The following PPP1CB variants were observed in gnomAD, a reference collection of about 807,000 sequenced individuals.
The protein encoded by PPP1CB is serine/threonine-protein phosphatase PP1-beta catalytic subunit.
Under a neutral mutation model 43.7 loss-of-function variants are expected in PPP1CB, and 2 were observed. That is an observed-to-expected ratio of 0.05 (90% confidence interval 0.02 to 0.14). PPP1CB has a LOEUF of 0.14. Among genes scored for constraint, PPP1CB ranks in the 10% least tolerant of loss-of-function variants. The pLI, the probability that PPP1CB is intolerant of heterozygous loss-of-function variation, is 1.00. For synonymous variants in PPP1CB, 136 were observed against 135.6 expected, an observed-to-expected ratio of 1.00 and a Z score of -0.02; for missense variants, 84 against 398.0, an observed-to-expected ratio of 0.21 and a Z score of 6.71.
At chr2:28,788,543 C>T (rs1572466509) in intron 5 of PPP1CB, 115 bp from the exon 6 acceptor site, 1 of 1,122,150 alleles carries the variant, frequency 8.9e-7, no homozygotes, top group Non-Finnish European at 1.3e-6. Flanking sequence ...AAGTGATGGT[C>T]ATTGTTTAGT....
In PPP1CB at chr2:28,799,339, T is replaced by A; in HGVS notation, c.*36T>A. The A allele has an allele frequency of 2.0e-6, 3 of 1,495,028 alleles. No individual in the cohort carries two copies. Among genetic ancestry groups the A allele is most frequent in the Non-Finnish European group, 2.8e-6 (3 of 1,072,988 alleles). The allele number at this position is 1,495,028 out of a possible 1,614,324, so 92.6% of individuals were successfully genotyped here. A position where few individuals can be genotyped will look rare whatever the true frequency, so the allele number is the denominator to read the frequency against. ...TCTGTAAAGAAACCATCAGATTTGT[T>A]AAGGACATACTTCATAATATATAAG... On this transcript the variant is annotated 3_prime_UTR_variant, in exon 8 of 8. Coordinates refer to ENST00000395366, the MANE Select transcript of PPP1CB (RefSeq NM_002709.3).
upstream of PPP1CB, chr2:28,751,613 C>T (rs1205085006): frequency 1.8e-5 from 3 of 164,818 alleles, no homozygotes; most frequent in African/African-American, 4.8e-5. Flanking sequence ...CGAGACTCGG[C>T]GCCGTGGACG....
At chr2:28,759,693 C>A (rs2148456446) in intron 1 of PPP1CB, among the ~76,000 whole-genome samples, 1 of 151,588 alleles carries the variant, frequency 6.6e-6, no homozygotes, top group African/African-American at 2.4e-5. Context: ...TCTCAGTTCA[C>A]CACAACCTCT....
At chr2:28,771,059 T>C (rs1666901945) in intron 1 of PPP1CB, among the ~76,000 whole-genome samples, 1 of 85,616 alleles carries the variant, frequency 1.2e-5, no homozygotes, top group Non-Finnish European at 2.3e-5. Flanking sequence ...CCCACCCTTT[T>C]TTTTTTTTTT....
At chr2:28,791,699 A>G (rs1280317978) in intron 6 of PPP1CB, among the ~76,000 whole-genome samples, 1 of 152,190 alleles carries the variant, frequency 6.6e-6, no homozygotes, top group Non-Finnish European at 1.5e-5. Context: ...TTAAATAACA[A>G]GGCAGAATTG....
intron 1 of PPP1CB, among the ~76,000 whole-genome samples, 194 bp from the exon 2 acceptor site, chr2:28,776,657 A>G (rs1667051060): frequency 6.6e-6 from 1 of 152,206 alleles, no homozygotes; most frequent in Non-Finnish European, 1.5e-5. Context: ...CTTGAGGAGC[A>G]TCATCAGGAA....
intron 1 of PPP1CB, among the ~76,000 whole-genome samples, 174 bp from the exon 2 acceptor site, chr2:28,776,677 A>G (rs890453227): frequency 6.6e-6 from 1 of 152,222 alleles, no homozygotes; most frequent in Admixed American, 6.5e-5. Flanking sequence ...ACCAGTAACA[A>G]TGAAAATAGA....
intron 1 of PPP1CB, among the ~76,000 whole-genome samples, chr2:28,770,021 C>T (rs1235256012): frequency 6.6e-6 from 1 of 152,054 alleles, no homozygotes; most frequent in Non-Finnish European, 1.5e-5. Flanking sequence ...GTAATCCCAG[C>T]ACTTTGGGAG....
chr2:28,767,652 C>A (rs185335708), intron 1 of PPP1CB, among the ~76,000 whole-genome samples: 1 of 152,334 alleles, frequency 6.6e-6, no homozygotes, highest in East Asian at 1.9e-4. Context: ...CTGCTCAGCT[C>A]TGCCATTGTA....
At chr2:28,782,455 T>C (rs1667175005) in intron 4 of PPP1CB, 1 of 153,416 alleles carries the variant, frequency 6.5e-6, no homozygotes, top group Non-Finnish European at 1.4e-5. Flanking sequence ...AAACAGATAA[T>C]TGAGTAATAA....
chr2:28,784,087 T>C, intron 5 of PPP1CB, 109 bp downstream of exon 5: 1 of 769,410 alleles, frequency 1.3e-6, no homozygotes, highest in Non-Finnish European at 2.1e-6. Flanking sequence ...AAAGAGCTTT[T>C]TTCATAGTCA....
chr2:28,792,456 T>G (rs1667408634), intron 6 of PPP1CB, among the ~76,000 whole-genome samples: 1 of 152,038 alleles, frequency 6.6e-6, no homozygotes, highest in Non-Finnish European at 1.5e-5. Flanking sequence ...CAGGAAGTTG[T>G]GACTGCAGTA....
At chr2:28,798,677 A>G (rs1292643085) in intron 7 of PPP1CB, among the ~76,000 whole-genome samples, 1 of 152,070 alleles carries the variant, frequency 6.6e-6, no homozygotes, top group Non-Finnish European at 1.5e-5. Context: ...GGTTAGAGTT[A>G]GAGGATGTGG....
At chr2:28,782,615 G>C (rs1448677794) in intron 4 of PPP1CB, 1 of 152,216 alleles carries the variant, frequency 6.6e-6, no homozygotes, top group East Asian at 1.9e-4. Context: ...TTGTTGTCTA[G>C]TTTAGGGAAT....
chr2:28,791,404 C>T (rs1667381661), intron 6 of PPP1CB, among the ~76,000 whole-genome samples: 2 of 152,018 alleles, frequency 1.3e-5, no homozygotes, highest in South Asian at 4.2e-4. Flanking sequence ...CATCTCGGCT[C>T]GCTGCAACCT....
In PPP1CB at chr2:28,752,064, A is replaced by AGCCTCCGCCGCC; in HGVS notation, c.-59_-48dup. 1 of 1,503,652 alleles carries AGCCTCCGCCGCC rather than the reference A, an allele frequency of 6.7e-7. No individual in the cohort carries two copies. The highest frequency in any genetic ancestry group is 9.1e-7 in the Non-Finnish European group (1 of 1,104,332). The allele number at this position is 1,503,652 out of a possible 1,614,324, so 93.1% of individuals were successfully genotyped here. A position where few individuals can be genotyped will look rare whatever the true frequency, so the allele number is the denominator to read the frequency against. ...TGAGAGAACGCCGAGCCGTCGCCGC[A>AGCCTCCGCCGCC]GCCTCCGCCGCCGAGAAGCCCTTGT... is the stretch of plus-strand genomic sequence containing the variant. On this transcript the variant is annotated 5_prime_UTR_variant, in exon 1 of 8. Coordinates refer to ENST00000395366, the MANE Select transcript of PPP1CB (RefSeq NM_002709.3).
intron 3 of PPP1CB, among the ~76,000 whole-genome samples, chr2:28,779,834 A>G (rs540945731): frequency 2.0e-4 from 30 of 152,276 alleles, no homozygotes; most frequent in African/African-American, 7.2e-4. Flanking sequence ...AGGGTATGTT[A>G]TATGTGCAGG....
At chr2:28,770,964 T>G (rs761070248) in intron 1 of PPP1CB, among the ~76,000 whole-genome samples, 2 of 150,732 alleles carry the variant, frequency 1.3e-5, no homozygotes, top group East Asian at 1.9e-4. Context: ...AAAGGAGAGA[T>G]ACCATATTTG....
intron 6 of PPP1CB, among the ~76,000 whole-genome samples, chr2:28,792,777 A>G (rs1252570218): frequency 6.6e-6 from 1 of 152,236 alleles, no homozygotes; most frequent in Non-Finnish European, 1.5e-5. Context: ...AAAGATACCT[A>G]AAATAAATTT....
Sources: gnomAD v4.1 joint callset for allele counts (sites outside exome capture counted in the v4.1 genomes callset) on GRCh38, gnomAD v4.1.1 for gene constraint, MANE v1.5 for transcripts, NCBI Gene and HGNC (gene_info 2026-07-23, HGNC 2026-07-21) for gene names.